GNAL: variants seen among roughly 807,000 people sequenced by gnomAD.
GNAL encodes the protein G protein subunit alpha L, also known as guanine nucleotide-binding protein G(olf) subunit alpha.
GNAL carries 18 observed loss-of-function variants against 55.1 expected under a neutral mutation model. The ratio of observed to expected loss-of-function variants is 0.33; its 90% CI spans 0.23 to 0.48. GNAL has a LOEUF of 0.48. Among genes scored for constraint, GNAL ranks in the 20% least tolerant of loss-of-function variants. GNAL has a pLI of 0.99. For missense variants in GNAL, 412 were observed against 614.1 expected (o/e 0.67, Z 3.48); for synonymous variants, 253 against 237.0 (o/e 1.07, Z -0.62).
chr18:11,695,726 T>C (rs1193798638), intron 1 of GNAL, among the ~76,000 whole-genome samples: 2 of 152,242 alleles, frequency 1.3e-5, no homozygotes, highest in Non-Finnish European at 2.9e-5. Context: ...TTTCCTTTTT[T>C]CAATTATTTC....
At chr18:11,785,377 G>A (rs568096525) in intron 4 of GNAL, among the ~76,000 whole-genome samples, 5 of 152,326 alleles carry the variant, frequency 3.3e-5, no homozygotes, top group African/African-American at 9.6e-5. Context: ...TGGTAAGCCT[G>A]TATGCCTCCA....
At chr18:11,781,677 A>C (rs1269812746) in intron 4 of GNAL, among the ~76,000 whole-genome samples, 1 of 152,232 alleles carries the variant, frequency 6.6e-6, no homozygotes, top group Non-Finnish European at 1.5e-5. Context: ...TTGTGCATTT[A>C]ATCATTTTAT....
At chr18:11,865,498 T>C (rs2036242254) in intron 7 of GNAL, among the ~76,000 whole-genome samples, 1 of 147,670 alleles carries the variant, frequency 6.8e-6, no homozygotes, top group African/African-American at 2.6e-5. Context: ...GCCTGTAATC[T>C]CAGCACTTTG....
Position 11,881,982 on chromosome 18 carries a change from T to TCAA in GNAL, c.*850_*852dup, listed in dbSNP as rs1286660962. ...TTGTATTGTGCTGAAGAGCTTAATG[T>TCAA]CAACATTACCTGCTGCTTACTCTGA... is the stretch of plus-strand genomic sequence containing the variant. On this transcript the variant is annotated 3_prime_UTR_variant, in exon 12 of 12. Coordinates refer to ENST00000334049, the MANE Select transcript of GNAL (RefSeq NM_182978.4). This position sits in a 1 kb window ranked among gnomAD's most constrained non-coding sequence, Gnocchi z 4.8. The TCAA allele has an allele frequency of 1.3e-5, 2 of 152,638 alleles. No individual in the cohort carries two copies. The highest frequency in any genetic ancestry group is 2.9e-5 in the Non-Finnish European group (2 of 68,048). 9.5% of individuals were successfully genotyped at this position (152,638 alleles called of 1,614,324 possible).
At chr18:11,710,720 C>T (rs1468405152) in intron 1 of GNAL, among the ~76,000 whole-genome samples, 2 of 152,004 alleles carry the variant, frequency 1.3e-5, no homozygotes, top group African/African-American at 4.8e-5. Flanking sequence ...TATATCATCC[C>T]ACTCCTTTCT....
chr18:11,753,025 A>T (rs1193445559), intron 2 of GNAL, 100 bp downstream of exon 2: 1 of 660,826 alleles, frequency 1.5e-6, no homozygotes, highest in Non-Finnish European at 2.7e-6. Flanking sequence ...TTATTTGATA[A>T]TGGAGTAGAC....
intron 5 of GNAL, chr18:11,857,737 A>T (rs1267505805): frequency 1.0e-6 from 1 of 985,178 alleles, no homozygotes; most frequent in Non-Finnish European, 1.2e-6. Flanking sequence ...AGGAGCAGGG[A>T]ATCTTAACTC....
intron 4 of GNAL, among the ~76,000 whole-genome samples, chr18:11,795,818 C>T (rs1267899207): frequency 2.0e-5 from 3 of 152,172 alleles, no homozygotes; most frequent in African/African-American, 7.2e-5. Flanking sequence ...GTCTGGATGT[C>T]GCCTGGGTTC....
At chr18:11,858,837 G>A (rs772549105) in intron 5 of GNAL, among the ~76,000 whole-genome samples, 13 of 152,166 alleles carry the variant, frequency 8.5e-5, no homozygotes, top group Admixed American at 2.0e-4. Context: ...CTGAGAATCA[G>A]AGCTGGAAGG....
In GNAL at chr18:11,808,093, A is replaced by G. The variant is rs567895116; in HGVS notation, c.625-16825A>G. Among the ~76,000 whole-genome samples, 49 of 150,732 alleles carry G rather than the reference A, an allele frequency of 3.3e-4. 1 individual carries two copies. The South Asian group carries it at 0.01, about 31-fold the overall frequency. On this transcript the variant is annotated intron_variant, in intron 4 of 11. Transcript: ENST00000334049. Reference sequence around the variant, plus strand: ...CCTCACAGGTCTTCTTACCCATTCCAGGACCATGATAAATATTTGCTGAGT... The same window carrying G: ...CCTCACAGGTCTTCTTACCCATTCCGGGACCATGATAAATATTTGCTGAGT...
intron 4 of GNAL, among the ~76,000 whole-genome samples, chr18:11,798,784 G>A (rs2143487768): frequency 6.6e-6 from 1 of 152,092 alleles, no homozygotes; most frequent in South Asian, 2.1e-4. Flanking sequence ...TAAAATATGG[G>A]TGCTCAATCA....
At chr18:11,733,378 GA>G (rs1415873899) in intron 1 of GNAL, among the ~76,000 whole-genome samples, 3 of 152,238 alleles carry the variant, frequency 2.0e-5, no homozygotes, top group African/African-American at 7.2e-5. Context: ...GAGCAGAAGC[GA>G]AACTGGGGAG....
chr18:11,790,549 C>A (rs1686934002), intron 4 of GNAL, among the ~76,000 whole-genome samples: 2 of 151,970 alleles, frequency 1.3e-5, no homozygotes, highest in Admixed American at 1.3e-4. Flanking sequence ...AGGTGGAAAT[C>A]AGTGTTAACA....
At chr18:11,700,887 G>A (rs987398006) in intron 1 of GNAL, among the ~76,000 whole-genome samples, 42 of 152,286 alleles carry the variant, frequency 2.8e-4, no homozygotes, top group African/African-American at 9.4e-4. Flanking sequence ...AAAATAAGGC[G>A]CAATGATACC....
intron 5 of GNAL, among the ~76,000 whole-genome samples, chr18:11,861,826 T>G (rs1444214261): frequency 6.6e-6 from 1 of 152,152 alleles, no homozygotes; most frequent in African/African-American, 2.4e-5. Flanking sequence ...CACTCAAATA[T>G]GCACACTCAC....
At chr18:11,792,391 G>A (rs182676209) in intron 4 of GNAL, among the ~76,000 whole-genome samples, 27 of 152,250 alleles carry the variant, frequency 1.8e-4, no homozygotes, top group East Asian at 1.4e-3. Flanking sequence ...TCACCATGTT[G>A]GCCAGGCTGG....
intron 4 of GNAL, among the ~76,000 whole-genome samples, chr18:11,800,168 TGATA>T (rs141184718): frequency 0.016 from 2,467 of 152,174 alleles, 71 homozygotes; most frequent in African/African-American, 0.057. Context: ...ATAGTATACG[TGATA>T]GATAGATGAT....
At position 11,765,842 on chromosome 18, in the gene GNAL, A is replaced by C. The variant is rs181158779; in HGVS notation, c.624+11897A>C. Among the ~76,000 whole-genome samples the C allele has an allele frequency of 5.3e-5, 8 of 152,302 alleles. No homozygotes were observed. In the East Asian group the frequency reaches 1.5e-3, roughly 29 times the overall value. Reference sequence around the variant, plus strand: ...TGTCTTTGAAACTTCAAATCCTTTGAAAATGTGAGGCTGAACAAAAAAGAT... The same window carrying C: ...TGTCTTTGAAACTTCAAATCCTTTGCAAATGTGAGGCTGAACAAAAAAGAT... On this transcript the variant is annotated intron_variant, in intron 4 of 11. Transcript: ENST00000334049.
Position 11,752,024 on chromosome 18 carries a change from C to G in GNAL, c.377-829C>G, listed in dbSNP as rs569691099. 475 of 153,986 alleles carry G rather than the reference C, an allele frequency of 3.1e-3. 4 individuals carry two copies. Among genetic ancestry groups the G allele is most frequent in the Non-Finnish European group, 3.1e-3 (213 of 69,330 alleles). 9.5% of individuals were successfully genotyped at this position (153,986 alleles called of 1,614,324 possible). On this transcript the variant is annotated intron_variant, in intron 1 of 11. Coordinates refer to ENST00000334049, the MANE Select transcript of GNAL (RefSeq NM_182978.4). This position sits in a 1 kb window ranked among gnomAD's most constrained non-coding sequence, Gnocchi z 4.5. Reference sequence around the variant, plus strand: ...GGCACCCAGCCGAGCGCGCCGCCCCCTCGGGGACCCGCTGGGCGGGGCTGA... The same window carrying G: ...GGCACCCAGCCGAGCGCGCCGCCCCGTCGGGGACCCGCTGGGCGGGGCTGA...
Sources: allele counts gnomAD v4.1 joint callset (sites outside exome capture counted in the v4.1 genomes callset), GRCh38; gene constraint gnomAD v4.1.1; non-coding constraint Gnocchi (gnomAD v3.1); transcripts MANE v1.5; gene names NCBI Gene and HGNC (gene_info 2026-07-23, HGNC 2026-07-21).